Variants in RGS22 observed in about 807,000 individuals in gnomAD.
RGS22 encodes the protein regulator of G-protein signaling 22.
Under a neutral mutation model 172.9 loss-of-function variants are expected in RGS22, and 148 were observed. That is an observed-to-expected ratio of 0.86 (90% CI 0.75 to 0.98). RGS22 has a LOEUF of 0.98. Among genes scored for constraint, RGS22 ranks in the 50% least tolerant of loss-of-function variants. The pLI is 0.00. For synonymous variants in RGS22, 458 were observed against 480.2 expected (o/e 0.95, Z 0.60); for missense variants, 1,347 against 1,440.8 (o/e 0.93, Z 1.05).
Position 100,058,899 on chromosome 8 carries a change from A to C in RGS22, c.1514+3692T>G, listed in dbSNP as rs531153693. Among the ~76,000 whole-genome samples, 10 of 152,332 alleles carry C rather than the reference A, an allele frequency of 6.6e-5. No individual in the cohort carries two copies. In the South Asian group the frequency reaches 2.1e-3, roughly 32 times the overall value. On this transcript the variant is annotated intron_variant, in intron 9 of 27. Coordinates refer to ENST00000360863, the MANE Select transcript of RGS22 (RefSeq NM_015668.5). ...TGATATGTAAACTACTTTTATACCA[A>C]GTAGAAAGACTAAACAATGAACCAA...
intron 3 of RGS22, among the ~76,000 whole-genome samples, chr8:100,082,634 C>A (rs1811848783): frequency 6.6e-6 from 1 of 152,178 alleles, no homozygotes; most frequent in Admixed American, 6.5e-5. Context: ...GGACTCAGAG[C>A]TATAAAGTGC....
At chr8:100,066,053 C>T in intron 7 of RGS22, 114 bp downstream of exon 7, 13 of 879,822 alleles carry the variant, frequency 1.5e-5, no homozygotes, top group South Asian at 4.8e-5. Context: ...TGAGGCAAAG[C>T]GTATGTGGAT....
intron 9 of RGS22, among the ~76,000 whole-genome samples, chr8:100,060,413 TATATATATACAC>T (rs1412768954): frequency 7.5e-6 from 1 of 133,374 alleles, no homozygotes; most frequent in Non-Finnish European, 1.6e-5. Flanking sequence ...TATATATATA[TATATATATACAC>T]ACACACACAC....
intron 3 of RGS22, among the ~76,000 whole-genome samples, chr8:100,086,938 G>T (rs1417921152): frequency 6.6e-6 from 1 of 152,086 alleles, no homozygotes; most frequent in Admixed American, 6.6e-5. Flanking sequence ...CATTCTGTTG[G>T]TTACTTCATG....
At chr8:100,062,509 A>G in intron 9 of RGS22, 82 bp downstream of exon 9, 2 of 867,570 alleles carry the variant, frequency 2.3e-6, no homozygotes, top group East Asian at 5.1e-5. Context: ...TCCATAAGTT[A>G]TATATCCGTA....
At chr8:99,987,743 T>C (rs897350818) in intron 20 of RGS22, 124 bp from the exon 21 acceptor site, 15 of 567,252 alleles carry the variant, frequency 2.6e-5, no homozygotes, top group Non-Finnish European at 3.6e-5. Flanking sequence ...TCACAACATT[T>C]TCACCTATTC....
rs1810536482 is a variant in RGS22 at position 100,066,366 on chromosome 8, A to G, written c.595-70T>C. The G allele has an allele frequency of 5.6e-6, 7 of 1,242,142 alleles. No individual in the cohort carries two copies. In the Admixed American group the frequency reaches 1.4e-4, roughly 24 times the overall value. The allele number at this position is 1,242,142 out of a possible 1,614,324, so 76.9% of individuals were successfully genotyped here. ...TTACTCTGATCACAAACCTGGAAAAATCATTATAATAATATTCAACTTGCA... is the reference window on the plus strand; with the variant it reads ...TTACTCTGATCACAAACCTGGAAAAGTCATTATAATAATATTCAACTTGCA... On this transcript the variant is annotated intron_variant, in intron 6 of 27. Transcript: ENST00000360863.
chr8:99,993,306 C>CA (rs946007333), intron 20 of RGS22, among the ~76,000 whole-genome samples: 16 of 151,780 alleles, frequency 1.1e-4, no homozygotes, highest in Non-Finnish European at 1.2e-4. Flanking sequence ...AAAAACCCTT[C>CA]AAAAAAATCA....
intron 23 of RGS22, among the ~76,000 whole-genome samples, chr8:99,973,375 G>A (rs1287484483): frequency 6.6e-6 from 1 of 152,132 alleles, no homozygotes; most frequent in Non-Finnish European, 1.5e-5. Flanking sequence ...GGACATGAAT[G>A]AAGCTGGAAA....
chr8:99,973,603 G>C (rs949649454), intron 23 of RGS22, among the ~76,000 whole-genome samples: 2 of 152,070 alleles, frequency 1.3e-5, no homozygotes, highest in African/African-American at 4.8e-5. Flanking sequence ...AGGCACCGTG[G>C]CTCATGCCTT....
At chr8:100,034,768 A>G (rs755910120) in intron 14 of RGS22, among the ~76,000 whole-genome samples, 1 of 152,200 alleles carries the variant, frequency 6.6e-6, no homozygotes, top group African/African-American at 2.4e-5. Flanking sequence ...TATATAGACC[A>G]ATGGAACAGA....
intron 14 of RGS22, among the ~76,000 whole-genome samples, chr8:100,030,244 C>T (rs1818646770): frequency 6.6e-6 from 1 of 152,200 alleles, no homozygotes; most frequent in South Asian, 2.1e-4. Context: ...ACCTATTGCA[C>T]TGCCAGTTGT....
At chr8:100,052,393 C>A (rs1821758416) in intron 10 of RGS22, among the ~76,000 whole-genome samples, 2 of 150,934 alleles carry the variant, frequency 1.3e-5, no homozygotes, top group Admixed American at 1.3e-4. Flanking sequence ...GCTCCGCCTC[C>A]CGGATTCCCG....
At chr8:100,099,193 T>C (rs1476436041) in intron 2 of RGS22, among the ~76,000 whole-genome samples, 1 of 152,092 alleles carries the variant, frequency 6.6e-6, no homozygotes, top group Non-Finnish European at 1.5e-5. Context: ...GGATTACAGG[T>C]GTGAGCCATT....
intron 14 of RGS22, among the ~76,000 whole-genome samples, chr8:100,018,235 G>C (rs1302157383): frequency 6.7e-6 from 1 of 149,580 alleles, no homozygotes; most frequent in Non-Finnish European, 1.5e-5. Flanking sequence ...AAAAAGTAAT[G>C]CCTGCCCCTA....
At chr8:100,097,638 G>A (rs1034739227) in intron 2 of RGS22, among the ~76,000 whole-genome samples, 1 of 152,154 alleles carries the variant, frequency 6.6e-6, no homozygotes, top group Non-Finnish European at 1.5e-5. Context: ...GCACGTTATG[G>A]ACAGGCTTCT....
At chr8:100,011,942 GATA>G (rs1412006094) in intron 14 of RGS22, among the ~76,000 whole-genome samples, 1 of 152,074 alleles carries the variant, frequency 6.6e-6, no homozygotes, top group Non-Finnish European at 1.5e-5. Context: ...AAAATAAAAT[GATA>G]ATAACGAATA....
At chr8:100,053,722 G>A (rs1238216902) in intron 9 of RGS22, among the ~76,000 whole-genome samples, 1 of 152,094 alleles carries the variant, frequency 6.6e-6, no homozygotes, top group East Asian at 1.9e-4. Context: ...TGCAACCTCT[G>A]CCTCCTGGGT....
chr8:99,983,620 T>C (rs557402657), intron 21 of RGS22, among the ~76,000 whole-genome samples: 53 of 152,320 alleles, frequency 3.5e-4, no homozygotes, highest in Non-Finnish European at 5.3e-4. Context: ...TATCCGTTCA[T>C]GTCCTTTGCC....
Sources: allele counts gnomAD v4.1 joint callset (sites outside exome capture counted in the v4.1 genomes callset), GRCh38; gene constraint gnomAD v4.1.1; transcripts MANE v1.5; gene names NCBI Gene and HGNC (gene_info 2026-07-23, HGNC 2026-07-21).